Variants in WDPCP observed in about 807,000 individuals in gnomAD.
WDPCP encodes the protein WD repeat containing planar cell polarity effector, also known as WD repeat-containing and planar cell polarity effector protein fritz homolog.
WDPCP carries 71 observed loss-of-function variants against 93.1 expected under a neutral mutation model. That is an observed-to-expected ratio of 0.76 (90% CI 0.63 to 0.93). The LOEUF (loss-of-function observed/expected upper bound fraction) is 0.93, where lower values mean the gene tolerates loss of function less well. Among genes scored for constraint, WDPCP ranks in the 40% least tolerant of loss-of-function variants. The pLI, the probability that WDPCP is intolerant of heterozygous loss-of-function variation, is 0.00. For missense variants in WDPCP, 844 were observed against 887.4 expected, an observed-to-expected ratio of 0.95 and a Z score of 0.62; for synonymous variants, 315 against 315.0, an observed-to-expected ratio of 1.00 and a Z score of 0.00.
At chr2:63,268,358 A>G (rs1475868908) in intron 13 of WDPCP, among the ~76,000 whole-genome samples, 2 of 152,212 alleles carry the variant, frequency 1.3e-5, no homozygotes, top group Non-Finnish European at 2.9e-5. Context: ...CAAAACATAC[A>G]AAGTTTCAGT....
At chr2:63,328,825 C>T (rs1218342229) in intron 12 of WDPCP, among the ~76,000 whole-genome samples, 3 of 152,190 alleles carry the variant, frequency 2.0e-5, no homozygotes, top group African/African-American at 7.2e-5. Context: ...CTCCTGGGCT[C>T]AGGTGATTCT....
chr2:63,378,231 A>T (rs1692013754), intron 12 of WDPCP, 155 bp downstream of exon 12: 1 of 1,026,158 alleles, frequency 9.7e-7, no homozygotes, highest in African/African-American at 1.6e-5. Context: ...GAAAACAATA[A>T]CAAATTAAAT....
chr2:63,741,989 T>C lies in WDPCP; in HGVS notation n.308+71633A>G, dbSNP rs536539638. ...AAAAAGAAAACTGAATGATATGGAT[T>C]AGCTGAACTCCAGATAAATTTTTTC... is the stretch of plus-strand genomic sequence containing the variant. On this transcript the variant is annotated intron_variant and non_coding_transcript_variant, in intron 2 of 4. Coordinates refer to the WDPCP transcript ENST00000467687. Among the ~76,000 whole-genome samples, 10 of 152,230 alleles carry C rather than the reference T, an allele frequency of 6.6e-5. No homozygotes were observed. The South Asian group carries it at 2.1e-3, about 32-fold the overall frequency.
intron 9 of WDPCP, among the ~76,000 whole-genome samples, chr2:63,429,974 T>TAC (rs1558623648): frequency 1.8e-5 from 2 of 108,190 alleles, no homozygotes; most frequent in Non-Finnish European, 3.7e-5. Flanking sequence ...AAGAAAATGT[T>TAC]ATACACACAC....
At chr2:63,645,170 T>G (rs1710033323) in intron 3 of WDPCP, among the ~76,000 whole-genome samples, 1 of 152,196 alleles carries the variant, frequency 6.6e-6, no homozygotes, top group South Asian at 2.1e-4. Flanking sequence ...GTAATGCTTT[T>G]GCTGTACCAC....
At position 63,632,501 on chromosome 2, in the gene WDPCP, C is replaced by T. The variant is rs1029395277; in HGVS notation, n.488+18158G>A. Reference sequence around the variant, plus strand: ...TCAGGAAAACAATATACGAGCAAAACGAGAAGTTCAACAGACAGATAGAAA... The same window carrying T: ...TCAGGAAAACAATATACGAGCAAAATGAGAAGTTCAACAGACAGATAGAAA... On this transcript the variant is annotated intron_variant and non_coding_transcript_variant, in intron 3 of 4. Coordinates refer to the WDPCP transcript ENST00000467687. Among the ~76,000 whole-genome samples, 19 of 152,040 alleles carry T rather than the reference C, an allele frequency of 1.2e-4. 1 individual carries two copies. The South Asian group carries it at 3.5e-3, about 28-fold the overall frequency.
chr2:63,652,784 G>A (rs957436121), intron 2 of WDPCP, among the ~76,000 whole-genome samples: 1 of 148,554 alleles, frequency 6.7e-6, no homozygotes, highest in East Asian at 2.0e-4. Flanking sequence ...GTCCAACTCA[G>A]TGTGGGCCAT....
intron 2 of WDPCP, among the ~76,000 whole-genome samples, chr2:63,707,568 T>A (rs1669182595): frequency 6.6e-6 from 1 of 152,226 alleles, no homozygotes. Context: ...TGCCATTGGT[T>A]CGAACTTCCT....
At chr2:63,530,593 G>A (rs1243448002) in intron 1 of WDPCP, among the ~76,000 whole-genome samples, 1 of 152,172 alleles carries the variant, frequency 6.6e-6, no homozygotes, top group Non-Finnish European at 1.5e-5. Flanking sequence ...GTGCAAAAAT[G>A]TTGATACCTC....
chr2:63,662,579 C>T (rs1208710322), intron 2 of WDPCP, among the ~76,000 whole-genome samples: 1 of 151,494 alleles, frequency 6.6e-6, no homozygotes, highest in African/African-American at 2.4e-5. Flanking sequence ...GAGAGGAATA[C>T]CAAAGTCATG....
At chr2:63,532,046 C>T (rs929858914) in intron 1 of WDPCP, among the ~76,000 whole-genome samples, 4 of 152,034 alleles carry the variant, frequency 2.6e-5, no homozygotes, top group Admixed American at 1.3e-4. Context: ...AACCATGGCA[C>T]GAGAACTACG....
rs2104014739 is a variant in WDPCP, at chr2:63,795,072, C to G, written n.308+18550G>C. 2.6e-5 allele frequency among the ~76,000 whole-genome samples: 4 copies of G among 152,300 alleles called. 1 individual carries two copies. The highest frequency in any genetic ancestry group is 5.9e-5 in the Non-Finnish European group (4 of 68,026). The stretch of plus-strand genomic sequence containing the variant: ...ACTGCTGGAATACTCTACTTCCAGC[C>G]TTCTTATTATCTGATTAACAGAAAT... On this transcript the variant is annotated intron_variant and non_coding_transcript_variant, in intron 2 of 4. Transcript: ENST00000467687.
chr2:63,294,528 A>AAAAGTT (rs1216061576), intron 13 of WDPCP, among the ~76,000 whole-genome samples: 6 of 151,366 alleles, frequency 4.0e-5, no homozygotes, highest in Non-Finnish European at 8.8e-5. Flanking sequence ...AAAAAAAAAA[A>AAAAGTT]AAAGTGCTGA....
chr2:63,809,471 G>T (rs553047022), intron 2 of WDPCP, among the ~76,000 whole-genome samples: 7 of 152,242 alleles, frequency 4.6e-5, no homozygotes, highest in South Asian at 2.1e-4. Context: ...GAATACAAAG[G>T]GGGGAAAGGT....
intron 1 of WDPCP, among the ~76,000 whole-genome samples, chr2:63,519,976 T>G (rs1702810718): frequency 6.6e-6 from 1 of 151,862 alleles, no homozygotes; most frequent in Non-Finnish European, 1.5e-5. Context: ...ATCCAAGGAG[T>G]ATTAAGATTA....
chr2:63,223,638 C>T (rs954264895), intron 14 of WDPCP, among the ~76,000 whole-genome samples: 1 of 152,042 alleles, frequency 6.6e-6, no homozygotes, highest in African/African-American at 2.4e-5. Flanking sequence ...CAGGTAAATA[C>T]CTAGCAGCAA....
chr2:63,438,095 TA>T, intron 7 of WDPCP: 1 of 1,001,128 alleles, frequency 1.0e-6, no homozygotes, highest in East Asian at 3.7e-5. Context: ...AATTAATATC[TA>T]ATAATGAAAA....
chr2:63,177,137 G>A (rs1673870372), intron 14 of WDPCP, among the ~76,000 whole-genome samples: 1 of 152,196 alleles, frequency 6.6e-6, no homozygotes, highest in African/African-American at 2.4e-5. Flanking sequence ...GTTTATGCCA[G>A]TACTAATGTT....
intron 2 of WDPCP, among the ~76,000 whole-genome samples, chr2:63,712,301 T>C (rs1383130838): frequency 6.6e-6 from 1 of 152,196 alleles, no homozygotes; most frequent in African/African-American, 2.4e-5. Flanking sequence ...AATATTGCCA[T>C]GAGTTACCAA....
Sources: allele counts gnomAD v4.1 joint callset (sites outside exome capture counted in the v4.1 genomes callset), GRCh38; gene constraint gnomAD v4.1.1; transcripts MANE v1.5; gene names NCBI Gene and HGNC (gene_info 2026-07-23, HGNC 2026-07-21).